HTT-AS: variants seen among roughly 807,000 people sequenced by gnomAD.
HTT-AS encodes the protein HTT antisense RNA (head to head).
chr4:3,051,783 A>C (rs1162460911), intron 2 of HTT-AS, among the ~76,000 whole-genome samples: 1 of 149,264 alleles, frequency 6.7e-6, no homozygotes, highest in Admixed American at 6.6e-5. Flanking sequence ...GTTCTGTGAT[A>C]AAAAGGGGCG....
At chr4:3,068,653 CTTT>C (rs563024282) in intron 1 of HTT-AS, among the ~76,000 whole-genome samples, 6 of 139,152 alleles carry the variant, frequency 4.3e-5, no homozygotes, top group African/African-American at 8.1e-5. Context: ...GTGTGTGTAG[CTTT>C]TTTTTTTTTT....
downstream of HTT-AS, among the ~76,000 whole-genome samples, chr4:3,047,471 A>G (rs1177063214): frequency 6.6e-6 from 1 of 152,248 alleles, no homozygotes; most frequent in Non-Finnish European, 1.5e-5. Context: ...ATAACCTAGG[A>G]AAAACCAGGC....
intron 2 of HTT-AS, among the ~76,000 whole-genome samples, chr4:3,060,818 T>G (rs904242253): frequency 1.3e-5 from 2 of 152,158 alleles, no homozygotes; most frequent in African/African-American, 4.8e-5. Flanking sequence ...TAGAGACCAA[T>G]TTGCATAATA....
chr4:3,074,613 G>A, upstream of HTT-AS: 1 of 404,612 alleles, frequency 2.5e-6, no homozygotes, highest in Non-Finnish European at 4.1e-6. Flanking sequence ...TGGCCGGCGT[G>A]GCCCCGCCTC....
downstream of HTT-AS, among the ~76,000 whole-genome samples, chr4:3,046,312 G>T (rs1711585444): frequency 6.6e-6 from 1 of 152,202 alleles, no homozygotes; most frequent in Non-Finnish European, 1.5e-5. Flanking sequence ...AGCTGGGTTG[G>T]TTGCAGCTCG....
rs539291792 is a variant in HTT-AS, at chr4:3,063,987, T to C, written n.114-287A>G. 8.5e-5 allele frequency among the ~76,000 whole-genome samples: 13 copies of C among 152,244 alleles called. No individual in the cohort carries two copies. In the East Asian group the frequency reaches 2.5e-3, roughly 29 times the overall value. On this transcript the variant is annotated intron_variant and non_coding_transcript_variant, in intron 1 of 2. Transcript: ENST00000664062. ...GTGAGCATCTTTTGTTCTAATGAGG[T>C]GACTCTTGGTGGCTCCTGGATAGGA...
chr4:3,048,689 T>C (rs1404382768), downstream of HTT-AS, among the ~76,000 whole-genome samples: 1 of 152,214 alleles, frequency 6.6e-6, no homozygotes, highest in Non-Finnish European at 1.5e-5. Context: ...GTTTAGTCAA[T>C]TCTATTATTT....
At chr4:3,073,868 C>G (rs978420565) in intron 1 of HTT-AS, among the ~76,000 whole-genome samples, 1 of 152,184 alleles carries the variant, frequency 6.6e-6, no homozygotes, top group African/African-American at 2.4e-5. Context: ...GAGTATGGCT[C>G]TGGCCACGGG....
chr4:3,047,596 C>T (rs1711616255), downstream of HTT-AS, among the ~76,000 whole-genome samples: 1 of 152,190 alleles, frequency 6.6e-6, no homozygotes, highest in South Asian at 2.1e-4. Context: ...GTGGTAATGA[C>T]AGTGCCTGGG....
chr4:3,062,639 G>A (rs1195169280), exon 2 of HTT-AS, among the ~76,000 whole-genome samples: 1 of 151,850 alleles, frequency 6.6e-6, no homozygotes, highest in African/African-American at 2.4e-5. Flanking sequence ...CAAGGTCCTG[G>A]CCCCTTTCTC....
At chr4:3,059,067 T>G (rs567358171) in intron 2 of HTT-AS, among the ~76,000 whole-genome samples, 1 of 152,296 alleles carries the variant, frequency 6.6e-6, no homozygotes, top group South Asian at 2.1e-4. Flanking sequence ...CGAGAAAGCT[T>G]CTGTACTGCC....
At chr4:3,068,017 G>T (rs1192266127) in intron 1 of HTT-AS, among the ~76,000 whole-genome samples, 1 of 152,120 alleles carries the variant, frequency 6.6e-6, no homozygotes, top group Non-Finnish European at 1.5e-5. Context: ...ATGAAAAGTG[G>T]AAGACAGGCC....
chr4:3,065,980 T>C (rs1712042126), intron 1 of HTT-AS, among the ~76,000 whole-genome samples: 2 of 152,266 alleles, frequency 1.3e-5, no homozygotes, highest in African/African-American at 2.4e-5. Flanking sequence ...TGACGGACGA[T>C]AGAATCCGTT....
chr4:3,058,789 G>A (rs1274531591), intron 2 of HTT-AS, among the ~76,000 whole-genome samples: 9 of 150,808 alleles, frequency 6.0e-5, no homozygotes, highest in African/African-American at 1.7e-4. Context: ...GTATGATCTC[G>A]GCTCACTGCA....
chr4:3,055,339 T>C (rs112199715), intron 2 of HTT-AS, among the ~76,000 whole-genome samples: 1,740 of 151,746 alleles, frequency 0.011, 22 homozygotes, highest in African/African-American at 0.04. Flanking sequence ...TTGGGCCCTG[T>C]CATCTTTAAC....
At chr4:3,047,745 G>A (rs1371823468), downstream of HTT-AS, among the ~76,000 whole-genome samples, 3 of 152,224 alleles carry the variant, frequency 2.0e-5, no homozygotes, top group African/African-American at 4.8e-5. Context: ...ACAGCCATCC[G>A]GAGGCCTGAC....
chr4:3,061,986 TAAAAAAAAAAAAAAAA>T, intron 2 of HTT-AS, among the ~76,000 whole-genome samples: 1 of 63,428 alleles, frequency 1.6e-5, no homozygotes, highest in South Asian at 6.3e-4. Context: ...TATCTCAAAT[TAAAAAAAAAAAAAAAA>T]AAAAAAAAAA....
downstream of HTT-AS, among the ~76,000 whole-genome samples, chr4:3,048,594 A>C (rs1240275486): frequency 1.3e-5 from 2 of 152,072 alleles, no homozygotes; most frequent in Non-Finnish European, 2.9e-5. Flanking sequence ...CTTTTCATTA[A>C]TCTCCCACAA....
At chr4:3,047,737 A>G (rs1711621636), downstream of HTT-AS, among the ~76,000 whole-genome samples, 1 of 152,250 alleles carries the variant, frequency 6.6e-6, no homozygotes, top group South Asian at 2.1e-4. Context: ...GCCCGCCCAC[A>G]GCCATCCGGA....
Sources: gnomAD v4.1 joint callset for allele counts (sites outside exome capture counted in the v4.1 genomes callset) on GRCh38, gnomAD v4.1.1 for gene constraint, MANE v1.5 for transcripts, NCBI Gene and HGNC (gene_info 2026-07-23, HGNC 2026-07-21) for gene names.